The following CTNNA3 variants were observed in gnomAD, a reference collection of about 807,000 sequenced individuals.
CTNNA3 encodes catenin alpha 3.
CTNNA3 carries 76 observed loss-of-function variants against 95.7 expected under a neutral mutation model. That is an observed-to-expected ratio of 0.79 (90% CI 0.66 to 0.96). CTNNA3 has a LOEUF of 0.96. Ranked by LOEUF, CTNNA3 falls within the 40% of genes least tolerant of loss-of-function variation. The pLI is 0.00. For missense variants in CTNNA3, 1,191 were observed against 1,089.8 expected, an observed-to-expected ratio of 1.09 and a Z score of -1.31; for synonymous variants, 431 against 374.4, an observed-to-expected ratio of 1.15 and a Z score of -1.74.
chr10:66,121,597 C>T (rs1161997221), intron 13 of CTNNA3, among the ~76,000 whole-genome samples: 4 of 152,118 alleles, frequency 2.6e-5, no homozygotes, highest in Admixed American at 2.0e-4. Context: ...TGCCTGTAAT[C>T]TCAGCACTTT....
chr10:67,731,469 A>G (rs1841273431), intron 1 of CTNNA3, among the ~76,000 whole-genome samples: 2 of 149,284 alleles, frequency 1.3e-5, no homozygotes, highest in African/African-American at 5.0e-5. Flanking sequence ...TGACAGAGCA[A>G]GACTCTGTCT....
intron 9 of CTNNA3, among the ~76,000 whole-genome samples, chr10:66,652,635 T>C (rs939013704): frequency 1.3e-5 from 2 of 152,106 alleles, no homozygotes; most frequent in African/African-American, 4.8e-5. Flanking sequence ...CCAAACTAAT[T>C]TCATGAGGTT....
chr10:67,691,582 C>T (rs1231075597), intron 1 of CTNNA3, among the ~76,000 whole-genome samples: 1 of 151,522 alleles, frequency 6.6e-6, no homozygotes, highest in Non-Finnish European at 1.5e-5. Flanking sequence ...TGCCCGGTCG[C>T]CCCGTCTGAG....
At chr10:67,340,571 T>C (rs546591763) in intron 5 of CTNNA3, among the ~76,000 whole-genome samples, 25 of 152,250 alleles carry the variant, frequency 1.6e-4, no homozygotes, top group Non-Finnish European at 3.5e-4. Flanking sequence ...GCTGTGTTTT[T>C]GTAGGACCAA....
chr10:66,930,612 C>T (rs1847323280), intron 7 of CTNNA3, among the ~76,000 whole-genome samples: 1 of 152,096 alleles, frequency 6.6e-6, no homozygotes, highest in South Asian at 2.1e-4. Context: ...GCAAGGAATA[C>T]TTATATTTTT....
intron 6 of CTNNA3, among the ~76,000 whole-genome samples, chr10:67,191,874 AG>A (rs1347160491): frequency 6.6e-6 from 1 of 151,944 alleles, no homozygotes; most frequent in Non-Finnish European, 1.5e-5. Context: ...AAAACAGTAT[AG>A]TACTAGCATA....
chr10:66,913,648 T>C (rs1846336729), intron 7 of CTNNA3, among the ~76,000 whole-genome samples: 1 of 152,150 alleles, frequency 6.6e-6, no homozygotes, highest in East Asian at 1.9e-4. Flanking sequence ...ACAGTCTAAG[T>C]GCTTACTGAA....
intron 12 of CTNNA3, among the ~76,000 whole-genome samples, chr10:66,301,072 C>T (rs906278894): frequency 1.3e-5 from 2 of 151,954 alleles, no homozygotes; most frequent in Admixed American, 6.6e-5. Context: ...ATATGATAGC[C>T]TAAGTAAAAT....
At chr10:65,972,658 A>G (rs1416817275) in intron 16 of CTNNA3, among the ~76,000 whole-genome samples, 1 of 152,132 alleles carries the variant, frequency 6.6e-6, no homozygotes, top group Non-Finnish European at 1.5e-5. Context: ...GATCTCTACA[A>G]GGAGAACTAT....
intron 9 of CTNNA3, among the ~76,000 whole-genome samples, chr10:66,647,093 A>C (rs4746615): frequency 3.4e-4 from 51 of 152,006 alleles, no homozygotes; most frequent in African/African-American, 1.0e-3. Flanking sequence ...AAAATTCAGA[A>C]GAAATAAGTG....
At chr10:66,538,834 C>T (rs565269108) in intron 10 of CTNNA3, among the ~76,000 whole-genome samples, 6 of 152,194 alleles carry the variant, frequency 3.9e-5, no homozygotes, top group Non-Finnish European at 7.4e-5. Context: ...AGAAAAGGAG[C>T]ATTTTTAGAG....
intron 11 of CTNNA3, among the ~76,000 whole-genome samples, chr10:66,454,815 GA>G (rs2093485418): frequency 7.1e-6 from 1 of 140,116 alleles, no homozygotes; most frequent in Non-Finnish European, 1.5e-5. Context: ...GGAGGGAGAG[GA>G]GGGGGAGGAG....
At chr10:66,328,095 T>C (rs2092278307) in intron 12 of CTNNA3, among the ~76,000 whole-genome samples, 1 of 152,086 alleles carries the variant, frequency 6.6e-6, no homozygotes, top group African/African-American at 2.4e-5. Context: ...TTATTTCAAG[T>C]GTGATCTCTG....
chr10:66,821,337 C>G (rs111571847), intron 7 of CTNNA3, among the ~76,000 whole-genome samples: 45 of 152,098 alleles, frequency 3.0e-4, no homozygotes, highest in African/African-American at 9.6e-4. Context: ...CCAGCAGGTC[C>G]CTTGTCTTTA....
intron 7 of CTNNA3, among the ~76,000 whole-genome samples, chr10:67,062,558 A>T (rs1925586): frequency 6.6e-6 from 1 of 151,664 alleles, no homozygotes; most frequent in East Asian, 1.9e-4. Context: ...TGGGGCATTA[A>T]GGCAGGCAAA....
chr10:67,566,332 AC>A (rs1841800833), intron 3 of CTNNA3, among the ~76,000 whole-genome samples: 1 of 150,096 alleles, frequency 6.7e-6, no homozygotes, highest in Non-Finnish European at 1.5e-5. Flanking sequence ...CAAGAAAAAA[AC>A]AAACAACCCC....
At chr10:67,241,555 G>A (rs926880319) in intron 5 of CTNNA3, among the ~76,000 whole-genome samples, 1 of 151,992 alleles carries the variant, frequency 6.6e-6, no homozygotes, top group Non-Finnish European at 1.5e-5. Context: ...TCCTATTTAA[G>A]TTTTCTTGTG....
chr10:66,502,315 T>C (rs1299809990), intron 11 of CTNNA3, among the ~76,000 whole-genome samples: 1 of 152,202 alleles, frequency 6.6e-6, no homozygotes, highest in Non-Finnish European at 1.5e-5. Flanking sequence ...CAGACTCATC[T>C]ATGTCACTTG....
intron 3 of CTNNA3, among the ~76,000 whole-genome samples, chr10:67,584,710 C>G (rs1408485469): frequency 6.6e-6 from 1 of 152,216 alleles, no homozygotes; most frequent in African/African-American, 2.4e-5. Context: ...CTGCAGTGGG[C>G]TTCACCCAGT....
Sources: gnomAD v4.1 joint callset for allele counts (sites outside exome capture counted in the v4.1 genomes callset) on GRCh38, gnomAD v4.1.1 for gene constraint, MANE v1.5 for transcripts, NCBI Gene and HGNC (gene_info 2026-07-23, HGNC 2026-07-21) for gene names.